Variants in NWD2 observed in about 807,000 individuals in gnomAD.
The protein encoded by NWD2 is NACHT and WD repeat domain containing 2, also known as NACHT and WD repeat domain-containing protein 2.
Under a neutral mutation model 132.7 loss-of-function variants are expected in NWD2, and 37 were observed. The observed-to-expected ratio is 0.28, with a 90% CI of 0.21 to 0.37. The LOEUF is 0.37. Ranked by LOEUF, NWD2 falls within the 10% of genes least tolerant of loss-of-function variation. The pLI is 1.00. For missense variants in NWD2, 1,592 were observed against 2,122.4 expected, an observed-to-expected ratio of 0.75 and a Z score of 4.91; for synonymous variants, 705 against 803.0, an observed-to-expected ratio of 0.88 and a Z score of 2.06.
intron 2 of NWD2, among the ~76,000 whole-genome samples, chr4:37,350,583 G>T (rs1719739961): frequency 1.3e-5 from 2 of 152,284 alleles, no homozygotes; most frequent in Non-Finnish European, 1.5e-5. Flanking sequence ...GAGTTTTTGG[G>T]CTGAGATGGT....
Position 37,244,958 on chromosome 4 carries a change from C to A in NWD2, c.-110C>A. On this transcript the variant is annotated 5_prime_UTR_variant, in exon 1 of 7. Transcript: ENST00000309447. The surrounding 1 kb of genome is among the most constrained non-coding windows in gnomAD (Gnocchi z 5.5). The stretch of plus-strand genomic sequence containing the variant: ...TCGGGCTCGGAGCGGCTCTGAGCCG[C>A]GCCGCCTGCTGAGATCGACCGCCTG... 1 of 1,422,724 alleles carries A rather than the reference C, an allele frequency of 7.0e-7. No homozygotes were observed. Among genetic ancestry groups the A allele is most frequent in the Non-Finnish European group, 9.4e-7 (1 of 1,062,678 alleles). 88.1% of individuals were successfully genotyped at this position (1,422,724 alleles called of 1,614,324 possible). A position where few individuals can be genotyped will look rare whatever the true frequency, so the allele number is the denominator to read the frequency against.
intron 3 of NWD2, among the ~76,000 whole-genome samples, chr4:37,390,127 G>A (rs1342384821): frequency 1.3e-5 from 2 of 152,112 alleles, no homozygotes; most frequent in East Asian, 1.9e-4. Context: ...GCTCTGTAGA[G>A]TTCAGTCTGA....
intron 1 of NWD2, among the ~76,000 whole-genome samples, chr4:37,309,378 G>C (rs767169424): frequency 2.0e-5 from 3 of 152,004 alleles, no homozygotes; most frequent in Non-Finnish European, 2.9e-5. Flanking sequence ...TGTTCCCTTG[G>C]GTACAGGCCA....
intron 1 of NWD2, among the ~76,000 whole-genome samples, chr4:37,248,055 G>A (rs963853666): frequency 2.6e-5 from 4 of 152,198 alleles, no homozygotes; most frequent in Admixed American, 2.0e-4. Flanking sequence ...TACTGAGGCT[G>A]TATCAAATTA....
intron 3 of NWD2, among the ~76,000 whole-genome samples, chr4:37,412,305 A>T (rs1485840799): frequency 6.6e-6 from 1 of 152,236 alleles, no homozygotes; most frequent in African/African-American, 2.4e-5. Context: ...TATAAAATCA[A>T]TGTGCAAAAA....
At chr4:37,304,949 G>A (rs932364369) in intron 1 of NWD2, among the ~76,000 whole-genome samples, 1 of 152,330 alleles carries the variant, frequency 6.6e-6, no homozygotes, top group South Asian at 2.1e-4. Flanking sequence ...CACTGCCCTA[G>A]TAGAGGTTCT....
At chr4:37,408,021 C>T (rs2109317942) in intron 3 of NWD2, among the ~76,000 whole-genome samples, 1 of 152,350 alleles carries the variant, frequency 6.6e-6, no homozygotes, top group Middle Eastern at 3.4e-3. Context: ...CCATGGTCTT[C>T]ACAACCTGCA....
At chr4:37,397,797 C>T (rs1720828131) in intron 3 of NWD2, among the ~76,000 whole-genome samples, 1 of 151,540 alleles carries the variant, frequency 6.6e-6, no homozygotes. Context: ...GCCTCTCTCT[C>T]TCTCTCTCTC....
At chr4:37,381,896 T>C (rs1259381346) in intron 3 of NWD2, among the ~76,000 whole-genome samples, 1 of 152,236 alleles carries the variant, frequency 6.6e-6, no homozygotes, top group African/African-American at 2.4e-5. Flanking sequence ...GAATTGATGT[T>C]GAAGAGAAAA....
chr4:37,443,806 G>A lies in NWD2; in HGVS notation c.1818G>A (p.Lys606=). 1 of 1,552,090 alleles carries A rather than the reference G, an allele frequency of 6.4e-7. No homozygotes were observed. The highest frequency in any genetic ancestry group is 8.7e-7 in the Non-Finnish European group (1 of 1,147,082). Reference sequence around the variant, plus strand: ...TTTATGTGAACAATGCATTATCCAAGTGCACACTGCCAATGTTTGTGAACC... The same window carrying A: ...TTTATGTGAACAATGCATTATCCAAATGCACACTGCCAATGTTTGTGAACC... ...QQIYVNNALS[K]CTLPMFVNLT... Residue 606 remains lysine, a synonymous_variant, in exon 7 of 7, where the codon AAG becomes AAA. Coordinates refer to ENST00000309447, the MANE Select transcript of NWD2 (RefSeq NM_001144990.2). This position sits in a 1 kb window ranked among gnomAD's most constrained non-coding sequence, Gnocchi z 4.1.
In NWD2 at chr4:37,337,010, T is replaced by G. The variant is rs139873983; in HGVS notation, c.240+10986T>G. 6.5e-4 allele frequency among the ~76,000 whole-genome samples: 99 copies of G among 151,844 alleles called. No homozygotes were observed. The East Asian group carries it at 0.017, about 26-fold the overall frequency. ...ACCTGTCAAATGAGTAACTTTTTCTTCTATCTGACTGCTTTTGGGCATTGT... is the reference window on the plus strand; with the variant it reads ...ACCTGTCAAATGAGTAACTTTTTCTGCTATCTGACTGCTTTTGGGCATTGT... On this transcript the variant is annotated intron_variant, in intron 2 of 6. Coordinates refer to ENST00000309447, the MANE Select transcript of NWD2 (RefSeq NM_001144990.2).
chr4:37,404,609 G>A (rs1300961530), intron 3 of NWD2, among the ~76,000 whole-genome samples: 1 of 152,124 alleles, frequency 6.6e-6, no homozygotes, highest in Admixed American at 6.5e-5. Context: ...ATAACCTCAG[G>A]AAGGGCAATG....
intron 1 of NWD2, among the ~76,000 whole-genome samples, chr4:37,274,412 C>A (rs1250534821): frequency 6.6e-6 from 1 of 152,112 alleles, no homozygotes; most frequent in African/African-American, 2.4e-5. Context: ...AGACCAATAA[C>A]AGGCTCTGAA....
intron 3 of NWD2, among the ~76,000 whole-genome samples, chr4:37,409,587 A>G (rs1387158941): frequency 2.6e-5 from 4 of 152,196 alleles, no homozygotes; most frequent in Admixed American, 2.0e-4. Context: ...ACTTTTCAGG[A>G]TATTATCCAG....
In NWD2 at chr4:37,449,104, G is replaced by A. The variant is rs1167596441; in HGVS notation, c.*1887G>A. ...GAGTCTATGCTTTTGAGCTCTTTAG[G>A]CAACACATTCTCATTCCTGTCATTA... On this transcript the variant is annotated 3_prime_UTR_variant, in exon 7 of 7. Transcript: ENST00000309447. 1 of 152,108 alleles carries A rather than the reference G, an allele frequency of 6.6e-6. No individual in the cohort carries two copies. Among genetic ancestry groups the A allele is most frequent in the East Asian group, 1.9e-4 (1 of 5,198 alleles). 9.4% of individuals were successfully genotyped at this position (152,108 alleles called of 1,614,324 possible). A position where few individuals can be genotyped will look rare whatever the true frequency, so the allele number is the denominator to read the frequency against.
chr4:37,294,462 GCTAA>G (rs1718437401), intron 1 of NWD2, among the ~76,000 whole-genome samples: 1 of 152,128 alleles, frequency 6.6e-6, no homozygotes, highest in Admixed American at 6.5e-5. Context: ...CATAGGAGCA[GCTAA>G]GAAGGATACA....
chr4:37,435,549 A>C (rs1712299367), intron 5 of NWD2, among the ~76,000 whole-genome samples: 1 of 152,118 alleles, frequency 6.6e-6, no homozygotes, highest in Non-Finnish European at 1.5e-5. Context: ...TCAAAGACAG[A>C]ACAACCCTGT....
At chr4:37,292,476 C>T (rs1577657829) in intron 1 of NWD2, among the ~76,000 whole-genome samples, 1 of 152,114 alleles carries the variant, frequency 6.6e-6, no homozygotes, top group African/African-American at 2.4e-5. Flanking sequence ...TCTTGGACTT[C>T]CCCGTTTCCA....
intron 1 of NWD2, among the ~76,000 whole-genome samples, chr4:37,294,358 A>G (rs191228817): frequency 6.6e-6 from 1 of 152,312 alleles, no homozygotes. Context: ...TGGAATTCTC[A>G]GGAATGTCTG....
Sources: gnomAD v4.1 joint callset for allele counts (sites outside exome capture counted in the v4.1 genomes callset) on GRCh38, gnomAD v4.1.1 for gene constraint, Gnocchi (gnomAD v3.1) non-coding constraint, MANE v1.5 for transcripts, NCBI Gene and HGNC (gene_info 2026-07-23, HGNC 2026-07-21) for gene names.